The following DGKB variants were observed in gnomAD, a reference collection of about 807,000 sequenced individuals.
DGKB encodes the protein diacylglycerol kinase beta.
DGKB carries 67 observed loss-of-function variants against 114.3 expected under a neutral mutation model. The observed-to-expected ratio is 0.59, with a 90% confidence interval of 0.48 to 0.72. The LOEUF is 0.72. Ranked by LOEUF, DGKB falls within the 30% of genes least tolerant of loss-of-function variation. The pLI is 0.00. For missense variants in DGKB, 907 were observed against 975.2 expected, an observed-to-expected ratio of 0.93 and a Z score of 0.93; for synonymous variants, 398 against 323.1, an observed-to-expected ratio of 1.23 and a Z score of -2.49.
chr7:14,814,783 T>G (rs1015778799), intron 2 of DGKB, among the ~76,000 whole-genome samples: 1 of 152,310 alleles, frequency 6.6e-6, no homozygotes, highest in Non-Finnish European at 1.5e-5. Context: ...TTCTTTATCC[T>G]TCAAATTCTA....
At chr7:14,515,566 A>G (rs776595148) in intron 20 of DGKB, among the ~76,000 whole-genome samples, 31 of 152,228 alleles carry the variant, frequency 2.0e-4, no homozygotes, top group Non-Finnish European at 3.5e-4. Context: ...AAAGAGATTT[A>G]GGCACCTCAT....
chr7:14,471,179 G>A lies in DGKB; in HGVS notation c.1835+6982C>T, dbSNP rs964161632. Reference sequence around the variant, plus strand: ...AATTTTCCATATATATGGAATATATGTATATATACATATATGTATGGAATA... The same window carrying A: ...AATTTTCCATATATATGGAATATATATATATATACATATATGTATGGAATA... On this transcript the variant is annotated intron_variant, in intron 21 of 25. Transcript: ENST00000402815. Among the ~76,000 whole-genome samples the A allele has an allele frequency of 5.3e-4, 55 of 102,814 alleles. 11 individuals carry two copies. Among genetic ancestry groups the A allele is most frequent in the Admixed American group, 1.8e-3 (15 of 8,450 alleles). 67.4% of individuals were successfully genotyped at this position (102,814 alleles called of 152,430 possible). A position where few individuals can be genotyped will look rare whatever the true frequency, so the allele number is the denominator to read the frequency against.
At position 14,961,830 on chromosome 7, in the gene DGKB, C is replaced by T. The variant is rs552636242; in HGVS notation, c.-188+12866G>A. On this transcript the variant is annotated intron_variant, in intron 1 of 4. Coordinates refer to the DGKB transcript ENST00000437998. ...ACAGCCCTTTTTTTAATAGGTGTTA[C>T]TCTCCAATAAACTTTGCTAGCCCCT... Among the ~76,000 whole-genome samples the T allele has an allele frequency of 8.5e-5, 13 of 152,152 alleles. No individual in the cohort carries two copies. In the East Asian group the frequency reaches 1.9e-3, roughly 23 times the overall value.
chr7:14,695,757 T>G (rs1407608070), intron 8 of DGKB, among the ~76,000 whole-genome samples: 2 of 151,892 alleles, frequency 1.3e-5, no homozygotes, highest in African/African-American at 4.8e-5. Context: ...TCCACCTGCC[T>G]CGGCCTCCCA....
At chr7:14,805,899 TATA>T (rs1035813526) in intron 2 of DGKB, among the ~76,000 whole-genome samples, 1 of 150,404 alleles carries the variant, frequency 6.6e-6, no homozygotes, top group African/African-American at 2.4e-5. Flanking sequence ...ATTTTATATT[TATA>T]ATAATATTTT....
intron 17 of DGKB, among the ~76,000 whole-genome samples, chr7:14,588,089 A>G (rs1053926643): frequency 3.9e-5 from 6 of 152,090 alleles, no homozygotes; most frequent in African/African-American, 1.4e-4. Flanking sequence ...AGGTGCACCA[A>G]TGTACAATGG....
intron 23 of DGKB, among the ~76,000 whole-genome samples, chr7:14,188,927 TA>T (rs1783889170): frequency 6.6e-6 from 1 of 152,064 alleles, no homozygotes; most frequent in Non-Finnish European, 1.5e-5. Flanking sequence ...GAATATTATA[TA>T]AAGCAAAGAT....
intron 23 of DGKB, among the ~76,000 whole-genome samples, chr7:14,328,294 G>A (rs1316324031): frequency 6.6e-6 from 1 of 151,896 alleles, no homozygotes; most frequent in Non-Finnish European, 1.5e-5. Flanking sequence ...ATTATTTAAT[G>A]TTCTTCGTTA....
At chr7:14,856,213 C>T (rs959252588) in intron 1 of DGKB, among the ~76,000 whole-genome samples, 1 of 152,056 alleles carries the variant, frequency 6.6e-6, no homozygotes, top group Non-Finnish European at 1.5e-5. Flanking sequence ...TCTCCTGAGG[C>T]TTATTTCTAA....
Position 14,664,004 on chromosome 7 carries a change from A to G in DGKB, c.1134+8925T>C, listed in dbSNP as rs148728152. On this transcript the variant is annotated intron_variant, in intron 13 of 25. Transcript: ENST00000402815. Reference sequence around the variant, plus strand: ...GACTTGAGGTTCATGAAATCTTTACACTTGAGGTTCATGAAATCTAATAGT... The same window carrying G: ...GACTTGAGGTTCATGAAATCTTTACGCTTGAGGTTCATGAAATCTAATAGT... 5.1e-3 allele frequency among the ~76,000 whole-genome samples: 773 copies of G among 151,892 alleles called. 7 individuals carry two copies. The highest frequency in any genetic ancestry group is 0.018 in the African/African-American group (727 of 41,448).
chr7:14,877,944 T>G (rs1587116433), intron 1 of DGKB, among the ~76,000 whole-genome samples: 1 of 152,154 alleles, frequency 6.6e-6, no homozygotes, highest in African/African-American at 2.4e-5. Flanking sequence ...GTGCCAATTT[T>G]TATGTATTTG....
At chr7:14,656,082 A>T (rs568544992) in intron 13 of DGKB, among the ~76,000 whole-genome samples, 110 of 151,814 alleles carry the variant, frequency 7.2e-4, no homozygotes, top group African/African-American at 2.6e-3. Context: ...GGTTATACTA[A>T]TTACTCTGAT....
intron 1 of DGKB, among the ~76,000 whole-genome samples, chr7:14,883,012 G>A (rs1035236578): frequency 2.0e-5 from 3 of 151,652 alleles, no homozygotes; most frequent in Admixed American, 1.3e-4. Flanking sequence ...CTGAGAGTAG[G>A]GTAAAAGGTA....
At chr7:14,438,107 G>T (rs1186655237) in intron 21 of DGKB, among the ~76,000 whole-genome samples, 1 of 151,904 alleles carries the variant, frequency 6.6e-6, no homozygotes, top group African/African-American at 2.4e-5. Flanking sequence ...CCCAGAACAA[G>T]TATCTATCTA....
chr7:14,660,242 C>A (rs1406472586), intron 13 of DGKB, among the ~76,000 whole-genome samples: 1 of 151,868 alleles, frequency 6.6e-6, no homozygotes, highest in Non-Finnish European at 1.5e-5. Flanking sequence ...ATGATGCTGG[C>A]CTCATCAAAT....
chr7:14,180,999 G>T (rs1396426676), intron 23 of DGKB, among the ~76,000 whole-genome samples: 1 of 151,960 alleles, frequency 6.6e-6, no homozygotes, highest in African/African-American at 2.4e-5. Flanking sequence ...ACCAAATCTG[G>T]CCCCTAGCCC....
Position 14,682,630 on chromosome 7 carries a change from T to C in DGKB, c.958A>G (p.Lys320Glu). 3 of 1,613,632 alleles carry C rather than the reference T, an allele frequency of 1.9e-6. No homozygotes were observed. Among genetic ancestry groups the C allele is most frequent in the Non-Finnish European group, 2.5e-6 (3 of 1,179,620 alleles). ...ACAGTTTTGTGGCACTTATCACACT[T>C]GGTTGGGCAGTTACCTTCAACCCAG... ...HYWVEGNCPT[K>E]CDKCHKTVKC... The change falls in exon 12 of 26, where the codon AAG (lysine) becomes GAG (glutamate). Residue 320 changes from lysine (K) to glutamate (E), a missense_variant. Lys to Glu is a moderately conservative substitution (Grantham distance 56, BLOSUM62 1). Around this residue, in one of 3 missense-constraint regions of DGKB, gnomAD observed 814 missense variants for 856.6 expected, o/e 0.95. Transcript: ENST00000402815.
intron 1 of DGKB, among the ~76,000 whole-genome samples, chr7:14,873,967 T>C (rs936610858): frequency 7.2e-5 from 11 of 152,100 alleles, no homozygotes; most frequent in East Asian, 5.8e-4. Flanking sequence ...TAGAATGCTG[T>C]ATTACTAACA....
intron 21 of DGKB, among the ~76,000 whole-genome samples, chr7:14,392,958 T>C (rs1244840177): frequency 6.7e-6 from 1 of 149,430 alleles, no homozygotes; most frequent in Admixed American, 6.7e-5. Context: ...CAGCCAATTA[T>C]AACCTGAGGG....
Sources: allele counts gnomAD v4.1 joint callset (sites outside exome capture counted in the v4.1 genomes callset), GRCh38; gene constraint gnomAD v4.1.1; regional missense constraint gnomAD v4.1.1; transcripts MANE v1.5; gene names NCBI Gene and HGNC (gene_info 2026-07-23, HGNC 2026-07-21).